Variants in MBNL2 observed in about 807,000 individuals in gnomAD.
MBNL2 encodes muscleblind-like protein 2.
MBNL2 carries 17 observed loss-of-function variants against 41.9 expected under a neutral mutation model. The ratio of observed to expected loss-of-function variants is 0.41; its 90% CI spans 0.28 to 0.61. The LOEUF is 0.61. Among genes scored for constraint, MBNL2 ranks in the 20% least tolerant of loss-of-function variants. The pLI, the probability that MBNL2 is intolerant of heterozygous loss-of-function variation, is 0.35. For synonymous variants in MBNL2, 195 were observed against 182.9 expected, an observed-to-expected ratio of 1.07 and a Z score of -0.53; for missense variants, 336 against 505.6, an observed-to-expected ratio of 0.66 and a Z score of 3.22.
At chr13:97,171,230 C>T in the MBNL2 span, among the ~76,000 whole-genome samples, 9 of 152,102 alleles carry the variant, frequency 5.9e-5, no homozygotes, top group Admixed American at 2.6e-4. Context: ...GGAGCTTATA[C>T]GTTATCTCAT....
At chr13:97,228,448 A>G (rs893307017) in intron 1 of MBNL2, among the ~76,000 whole-genome samples, 4 of 152,092 alleles carry the variant, frequency 2.6e-5, no homozygotes, top group African/African-American at 4.8e-5. Flanking sequence ...ACATTATAAT[A>G]TGCAAATACT....
intron 2 of MBNL2, among the ~76,000 whole-genome samples, chr13:97,282,642 G>A (rs1436062052): frequency 6.6e-6 from 1 of 152,172 alleles, no homozygotes; most frequent in African/African-American, 2.4e-5. Context: ...GTACAGGCAG[G>A]TTCATGCTTA....
At chr13:97,363,016 C>T (rs1292919625) in intron 7 of MBNL2, 1 of 152,176 alleles carries the variant, frequency 6.6e-6, no homozygotes, top group Non-Finnish European at 1.5e-5. Flanking sequence ...AAAGTTTCTC[C>T]CATCCAAGTA....
chr13:97,180,448 T>A, the MBNL2 span, among the ~76,000 whole-genome samples: 1 of 152,054 alleles, frequency 6.6e-6, no homozygotes, highest in Non-Finnish European at 1.5e-5. Flanking sequence ...TATCAAATGG[T>A]GTGATCGGCC....
At chr13:97,180,706 C>T in the MBNL2 span, among the ~76,000 whole-genome samples, 5 of 143,574 alleles carry the variant, frequency 3.5e-5, no homozygotes, top group East Asian at 8.3e-4. Context: ...GGCACCACTG[C>T]ACTCCAGGCT....
At chr13:97,212,418 C>G in the MBNL2 span, among the ~76,000 whole-genome samples, 1 of 152,174 alleles carries the variant, frequency 6.6e-6, no homozygotes, top group African/African-American at 2.4e-5. Flanking sequence ...CAGCTACCCC[C>G]TCCCAGCTCC....
chr13:97,281,858 A>G (rs1211777261), intron 2 of MBNL2, among the ~76,000 whole-genome samples: 3 of 152,230 alleles, frequency 2.0e-5, no homozygotes, highest in African/African-American at 7.2e-5. Flanking sequence ...AAATTTAAGT[A>G]ACTCACTTGT....
intron 8 of MBNL2, among the ~76,000 whole-genome samples, chr13:97,378,025 C>A (rs1049299791): frequency 6.7e-6 from 1 of 149,482 alleles, no homozygotes; most frequent in Admixed American, 6.6e-5. Flanking sequence ...CAGAGGTGTC[C>A]GTAGAGAGTC....
intron 3 of MBNL2, among the ~76,000 whole-genome samples, chr13:97,339,761 C>T (rs2061272553): frequency 6.6e-6 from 1 of 152,036 alleles, no homozygotes; most frequent in East Asian, 1.9e-4. Flanking sequence ...CACCTCACAC[C>T]TCCTGTCTGT....
chr13:97,192,278 G>A, the MBNL2 span, among the ~76,000 whole-genome samples: 1 of 152,190 alleles, frequency 6.6e-6, no homozygotes, highest in Non-Finnish European at 1.5e-5. Flanking sequence ...GATCAGATCT[G>A]ACCCCACCCC....
intron 1 of MBNL2, among the ~76,000 whole-genome samples, chr13:97,243,009 C>T (rs1211018684): frequency 3.3e-5 from 5 of 152,304 alleles, no homozygotes; most frequent in African/African-American, 1.2e-4. Flanking sequence ...CCTTCTTGCC[C>T]TCTATCAGCC....
chr13:97,258,004 C>G (rs1358540168), intron 1 of MBNL2, among the ~76,000 whole-genome samples: 1 of 152,132 alleles, frequency 6.6e-6, no homozygotes, highest in Admixed American at 6.5e-5. Context: ...CAACTGGTGA[C>G]GGCAGGGAAG....
intron 2 of MBNL2, among the ~76,000 whole-genome samples, chr13:97,326,353 C>A (rs571105450): frequency 6.6e-6 from 1 of 152,292 alleles, no homozygotes; most frequent in Admixed American, 6.5e-5. Flanking sequence ...CTAGGCATTT[C>A]TTCCATATAA....
In MBNL2 at chr13:97,235,556, A is replaced by C. The variant is rs183482595; in HGVS notation, c.-605+13025A>C. 8.5e-5 allele frequency among the ~76,000 whole-genome samples: 13 copies of C among 152,320 alleles called. No homozygotes were observed. The South Asian group carries it at 2.3e-3, about 27-fold the overall frequency. On this transcript the variant is annotated intron_variant, in intron 1 of 8. Coordinates refer to ENST00000679496, the MANE Select transcript of MBNL2 (RefSeq NM_001382683.1). Reference sequence around the variant, plus strand: ...CCAGGTACATGTTAGGTCTTGAGTTAATTGCTCTGTGGCTGTGGATTTTTA... The same window carrying C: ...CCAGGTACATGTTAGGTCTTGAGTTCATTGCTCTGTGGCTGTGGATTTTTA...
rs1430297724 is a variant in MBNL2 at position 97,366,770 on chromosome 13, T to C, written c.1048+1599T>C. The C allele has an allele frequency of 8.1e-6, 5 of 619,022 alleles. No homozygotes were observed. Among genetic ancestry groups the C allele is most frequent in the African/African-American group, 1.9e-5 (1 of 53,692 alleles). The allele number at this position is 619,022 out of a possible 1,614,324, so 38.3% of individuals were successfully genotyped here. A position where few individuals can be genotyped will look rare whatever the true frequency, so the allele number is the denominator to read the frequency against. On this transcript the variant is annotated intron_variant, in intron 8 of 8. Coordinates refer to ENST00000679496, the MANE Select transcript of MBNL2 (RefSeq NM_001382683.1). The surrounding 1 kb of genome is among the most constrained non-coding windows in gnomAD (Gnocchi z 4.7). ...TGTAGCTATGTTTTGTGTTGCACTGTTTGTTTTCGTACCTAATATTGTGTA... is the reference window on the plus strand; with the variant it reads ...TGTAGCTATGTTTTGTGTTGCACTGCTTGTTTTCGTACCTAATATTGTGTA...
At chr13:97,147,223 G>T in the MBNL2 span, among the ~76,000 whole-genome samples, 3 of 152,296 alleles carry the variant, frequency 2.0e-5, no homozygotes, top group East Asian at 5.8e-4. Context: ...TGCACTGTCT[G>T]TTCACTTTAT....
At chr13:97,187,593 T>TAAAAAAAAAA in the MBNL2 span, among the ~76,000 whole-genome samples, 13 of 51,490 alleles carry the variant, frequency 2.5e-4, 1 homozygote, top group East Asian at 6.0e-4. Context: ...CTATGCAGCT[T>TAAAAAAAAAA]AAAAAAAAAA....
intron 1 of MBNL2, among the ~76,000 whole-genome samples, chr13:97,232,159 G>GT (rs1160577279): frequency 6.6e-6 from 1 of 152,200 alleles, no homozygotes; most frequent in Non-Finnish European, 1.5e-5. Context: ...AGGCCTGATT[G>GT]TTGAGTCTCA....
chr13:97,232,518 C>G (rs1000240139), intron 1 of MBNL2, among the ~76,000 whole-genome samples: 2 of 152,004 alleles, frequency 1.3e-5, no homozygotes, highest in African/African-American at 2.4e-5. Flanking sequence ...TTAGAGAGAC[C>G]AAGTTACTTG....
Sources: gnomAD v4.1 joint callset for allele counts (sites outside exome capture counted in the v4.1 genomes callset) on GRCh38, gnomAD v4.1.1 for gene constraint, Gnocchi (gnomAD v3.1) non-coding constraint, MANE v1.5 for transcripts, NCBI Gene and HGNC (gene_info 2026-07-23, HGNC 2026-07-21) for gene names.